KCNIP4: variants seen among roughly 807,000 people sequenced by gnomAD.
The protein encoded by KCNIP4 is Kv channel-interacting protein 4.
In KCNIP4, 12 loss-of-function variants were observed where a neutral mutation model predicts 34.0. The observed-to-expected ratio is 0.35, with a 90% CI of 0.23 to 0.57. KCNIP4 has a LOEUF of 0.57. Ranked by LOEUF, KCNIP4 falls within the 20% of genes least tolerant of loss-of-function variation. KCNIP4 has a pLI of 0.83. For missense variants in KCNIP4, 238 were observed against 311.7 expected, an observed-to-expected ratio of 0.76 and a Z score of 1.78; for synonymous variants, 124 against 102.2, an observed-to-expected ratio of 1.21 and a Z score of -1.29.
intron 1 of KCNIP4, among the ~76,000 whole-genome samples, chr4:21,681,983 G>A (rs757225856): frequency 1.1e-4 from 16 of 151,846 alleles, no homozygotes; most frequent in Non-Finnish European, 1.9e-4. Context: ...CTGCCTCTTG[G>A]GTTCAAGTGA....
At chr4:21,919,855 G>A (rs750615665) in intron 1 of KCNIP4, among the ~76,000 whole-genome samples, 3 of 152,186 alleles carry the variant, frequency 2.0e-5, no homozygotes, top group Non-Finnish European at 4.4e-5. Context: ...ACATGCTGCA[G>A]ATTGCAGAAA....
chr4:20,965,852 T>C (rs1734290502), intron 1 of KCNIP4, among the ~76,000 whole-genome samples: 1 of 152,224 alleles, frequency 6.6e-6, no homozygotes, highest in African/African-American at 2.4e-5. Context: ...GATACAATAA[T>C]ACTGAGGCTA....
At chr4:21,112,745 AG>A (rs1187107822) in intron 1 of KCNIP4, among the ~76,000 whole-genome samples, 1 of 152,312 alleles carries the variant, frequency 6.6e-6, no homozygotes, top group African/African-American at 2.4e-5. Context: ...GCAGCCTACC[AG>A]GCCCCTAAAT....
At chr4:21,907,367 C>G (rs148686750) in intron 1 of KCNIP4, among the ~76,000 whole-genome samples, 1 of 152,156 alleles carries the variant, frequency 6.6e-6, no homozygotes, top group Admixed American at 6.6e-5. Flanking sequence ...TGAGGCAGTA[C>G]GAAAGCCTTC....
Position 20,985,976 on chromosome 4 carries a change from A to C in KCNIP4, c.62-103267T>G, listed in dbSNP as rs183566112. Among the ~76,000 whole-genome samples, 19 of 152,262 alleles carry C rather than the reference A, an allele frequency of 1.2e-4. No homozygotes were observed. In the Middle Eastern group the frequency reaches 0.02, roughly 164 times the overall value. On this transcript the variant is annotated intron_variant, in intron 1 of 8. Transcript: ENST00000382152. ...CACTCCGTCTCTGAATCTTGGTTTA[A>C]AATGGGAATGCTACTGCCCCTTTCT...
intron 1 of KCNIP4, among the ~76,000 whole-genome samples, chr4:21,005,695 T>C (rs1301993587): frequency 2.0e-5 from 3 of 152,122 alleles, no homozygotes; most frequent in African/African-American, 7.2e-5. Flanking sequence ...CAACTTTATT[T>C]GAAAATAGAA....
intron 2 of KCNIP4, among the ~76,000 whole-genome samples, chr4:20,863,154 T>C (rs377213337): frequency 2.6e-5 from 4 of 152,144 alleles, no homozygotes; most frequent in Non-Finnish European, 2.9e-5. Context: ...CCGAGTTTTA[T>C]TGTTACTCAA....
chr4:21,154,661 C>G (rs1165619781), intron 1 of KCNIP4, among the ~76,000 whole-genome samples: 1 of 152,186 alleles, frequency 6.6e-6, no homozygotes, highest in Non-Finnish European at 1.5e-5. Flanking sequence ...ATTAAATATT[C>G]CATATTTCCC....
intron 1 of KCNIP4, among the ~76,000 whole-genome samples, chr4:21,399,061 T>C (rs540352802): frequency 6.6e-6 from 1 of 152,348 alleles, no homozygotes; most frequent in East Asian, 1.9e-4. Context: ...TTTGTATTTT[T>C]CCTTTTGTTT....
intron 1 of KCNIP4, among the ~76,000 whole-genome samples, chr4:21,721,553 A>C (rs1322721246): frequency 6.6e-6 from 1 of 152,206 alleles, no homozygotes. Context: ...TGGAAAGCAT[A>C]AATCAGCCAC....
intron 3 of KCNIP4, among the ~76,000 whole-genome samples, chr4:20,809,932 G>A (rs542206515): frequency 4.6e-5 from 7 of 152,256 alleles, no homozygotes; most frequent in Admixed American, 1.3e-4. Context: ...CTGCTGGAGT[G>A]CTGACAAGCA....
intron 1 of KCNIP4, among the ~76,000 whole-genome samples, chr4:21,231,349 T>A (rs1286866239): frequency 6.6e-6 from 1 of 152,206 alleles, no homozygotes; most frequent in Non-Finnish European, 1.5e-5. Context: ...ATTCTTTGTA[T>A]CTATGTATGT....
At chr4:21,630,304 A>C (rs979406918) in intron 1 of KCNIP4, among the ~76,000 whole-genome samples, 2 of 151,966 alleles carry the variant, frequency 1.3e-5, no homozygotes, top group African/African-American at 4.8e-5. Context: ...ATCTCTACTA[A>C]AAATACAAAA....
intron 1 of KCNIP4, among the ~76,000 whole-genome samples, chr4:21,144,378 A>C (rs1428777618): frequency 6.6e-6 from 1 of 152,230 alleles, no homozygotes; most frequent in Non-Finnish European, 1.5e-5. Context: ...ATACATTCAG[A>C]GATTTCTAAA....
intron 1 of KCNIP4, among the ~76,000 whole-genome samples, chr4:21,055,460 C>G (rs935240639): frequency 6.6e-6 from 1 of 152,240 alleles, no homozygotes; most frequent in East Asian, 1.9e-4. Flanking sequence ...GCAGAAAAAC[C>G]TGCACATAGA....
At chr4:21,677,784 C>G (rs928782593) in intron 1 of KCNIP4, among the ~76,000 whole-genome samples, 5 of 152,200 alleles carry the variant, frequency 3.3e-5, no homozygotes, top group Middle Eastern at 3.2e-3. Context: ...GAGTCTCACT[C>G]TGTCACCCAG....
At chr4:20,803,074 CAAAAA>C (rs4054902) in intron 3 of KCNIP4, among the ~76,000 whole-genome samples, 1,755 of 78,324 alleles carry the variant, frequency 0.022, 14 homozygotes, top group South Asian at 0.052. Context: ...GACTCTGCCT[CAAAAA>C]AAAAAAAAAA....
intron 1 of KCNIP4, among the ~76,000 whole-genome samples, chr4:21,774,229 A>G (rs1167463043): frequency 6.6e-6 from 1 of 152,152 alleles, no homozygotes; most frequent in Non-Finnish European, 1.5e-5. Flanking sequence ...CGCCGGGTTG[A>G]AAATTCTTTT....
chr4:21,307,755 T>A (rs1712646038), intron 1 of KCNIP4, among the ~76,000 whole-genome samples: 1 of 150,322 alleles, frequency 6.7e-6, no homozygotes, highest in Admixed American at 6.6e-5. Context: ...GAGATTTCCA[T>A]ACTTTTTTTT....
Sources: gnomAD v4.1 joint callset for allele counts (sites outside exome capture counted in the v4.1 genomes callset) on GRCh38, gnomAD v4.1.1 for gene constraint, MANE v1.5 for transcripts, NCBI Gene and HGNC (gene_info 2026-07-23, HGNC 2026-07-21) for gene names.